Variants in TCF7L2 observed in about 807,000 individuals in gnomAD.
TCF7L2 encodes transcription factor 7-like 2.
Under a neutral mutation model 77.9 loss-of-function variants are expected in TCF7L2, and 23 were observed. The ratio of observed to expected loss-of-function variants is 0.30; its 90% CI spans 0.21 to 0.42. The LOEUF (loss-of-function observed/expected upper bound fraction) is 0.42, where lower values mean the gene tolerates loss of function less well. TCF7L2 is among the 10% of genes least tolerant of loss of function. The probability of loss-of-function intolerance (pLI) is 1.00; values close to 1 mark genes in which losing one functional copy is unlikely to be tolerated. For missense variants in TCF7L2, 654 were observed against 793.1 expected, an observed-to-expected ratio of 0.82 and a Z score of 2.11; for synonymous variants, 413 against 340.2, an observed-to-expected ratio of 1.21 and a Z score of -2.36.
chr10:113,087,786 G>A (rs2059980708), intron 5 of TCF7L2, among the ~76,000 whole-genome samples: 1 of 152,194 alleles, frequency 6.6e-6, no homozygotes, highest in Non-Finnish European at 1.5e-5. Flanking sequence ...TTATGGGGCA[G>A]CAATGGCCCC....
At chr10:113,107,921 A>C (rs1419435192) in intron 5 of TCF7L2, among the ~76,000 whole-genome samples, 2 of 152,184 alleles carry the variant, frequency 1.3e-5, no homozygotes, top group Non-Finnish European at 2.9e-5. Context: ...TACACAAAGT[A>C]AACATTAGGT....
intron 4 of TCF7L2, among the ~76,000 whole-genome samples, chr10:113,037,094 CTTTA>C (rs1159020152): frequency 6.6e-6 from 1 of 152,072 alleles, no homozygotes; most frequent in Non-Finnish European, 1.5e-5. Flanking sequence ...TTTTTCTTCT[CTTTA>C]TTTATTTATT....
At chr10:112,961,729 G>T (rs1336628264) in intron 3 of TCF7L2, among the ~76,000 whole-genome samples, 1 of 150,798 alleles carries the variant, frequency 6.6e-6, no homozygotes, top group Non-Finnish European at 1.5e-5. Context: ...TGGGAAGAAA[G>T]ATCTGACTTA....
intron 7 of TCF7L2, among the ~76,000 whole-genome samples, chr10:113,145,568 C>T (rs1564959376): frequency 6.6e-6 from 1 of 152,152 alleles, no homozygotes; most frequent in East Asian, 1.9e-4. Flanking sequence ...AATGTTTTCT[C>T]ACCGAGATCT....
intron 11 of TCF7L2, among the ~76,000 whole-genome samples, chr10:113,153,527 G>A (rs1449215881): frequency 1.3e-5 from 2 of 152,168 alleles, no homozygotes; most frequent in African/African-American, 2.4e-5. Flanking sequence ...TATAGGGGTC[G>A]AGGTCGTTAA....
intron 8 of TCF7L2, among the ~76,000 whole-genome samples, chr10:113,150,036 GTTGAGA>G (rs1348328224): frequency 6.6e-6 from 1 of 152,230 alleles, no homozygotes; most frequent in Non-Finnish European, 1.5e-5. Context: ...CCAAGAGTAG[GTTGAGA>G]TTAGCTCTTT....
At chr10:113,013,114 GTTTT>G (rs35964949) in intron 4 of TCF7L2, among the ~76,000 whole-genome samples, 4 of 109,896 alleles carry the variant, frequency 3.6e-5, no homozygotes, top group African/African-American at 7.8e-5. Flanking sequence ...TAAGCAAGTG[GTTTT>G]TTTTTTTTTT....
chr10:112,981,675 G>A (rs1285923938), intron 4 of TCF7L2, among the ~76,000 whole-genome samples: 2 of 152,218 alleles, frequency 1.3e-5, no homozygotes, highest in African/African-American at 4.8e-5. Context: ...CTTGTAAAAA[G>A]TACACAGAGA....
intron 8 of TCF7L2, among the ~76,000 whole-genome samples, chr10:113,148,754 G>C (rs2070061612): frequency 6.6e-6 from 1 of 152,182 alleles, no homozygotes; most frequent in African/African-American, 2.4e-5. Context: ...AATTTCTTAA[G>C]CGAAGGTATG....
chr10:112,985,345 G>T (rs2041280024), intron 4 of TCF7L2, among the ~76,000 whole-genome samples: 1 of 152,084 alleles, frequency 6.6e-6, no homozygotes, highest in Non-Finnish European at 1.5e-5. Context: ...TCAAAATAGG[G>T]CTTTCAAATG....
At chr10:113,098,049 CAAAA>C (rs34632183) in intron 5 of TCF7L2, among the ~76,000 whole-genome samples, 1 of 59,368 alleles carries the variant, frequency 1.7e-5, no homozygotes, top group East Asian at 5.7e-4. Flanking sequence ...GACTCTGTCT[CAAAA>C]AAAAAAAAAA....
intron 4 of TCF7L2, among the ~76,000 whole-genome samples, chr10:113,003,413 G>A (rs1467912729): frequency 1.3e-5 from 2 of 152,194 alleles, no homozygotes; most frequent in Non-Finnish European, 2.9e-5. Context: ...TGTCCCCAGA[G>A]CCTCAGCATG....
chr10:112,970,624 T>C (rs919226662), intron 4 of TCF7L2, among the ~76,000 whole-genome samples: 6 of 151,984 alleles, frequency 3.9e-5, no homozygotes, highest in Admixed American at 6.6e-5. Flanking sequence ...TGGCCAGAAA[T>C]TAGTACCAGC....
chr10:112,992,768 C>CTTT (rs1439965136), intron 4 of TCF7L2, among the ~76,000 whole-genome samples: 1 of 145,214 alleles, frequency 6.9e-6, no homozygotes, highest in Non-Finnish European at 1.5e-5. Flanking sequence ...ATTTTTCTTT[C>CTTT]TTTTTTTTTT....
At chr10:113,092,470 C>T (rs1354252228) in intron 5 of TCF7L2, among the ~76,000 whole-genome samples, 1 of 152,226 alleles carries the variant, frequency 6.6e-6, no homozygotes, top group African/African-American at 2.4e-5. Context: ...CTTGAGGAAT[C>T]ACAACCTGAT....
intron 5 of TCF7L2, among the ~76,000 whole-genome samples, chr10:113,106,570 A>G (rs2062348521): frequency 2.0e-5 from 3 of 152,308 alleles, no homozygotes; most frequent in Non-Finnish European, 4.4e-5. Context: ...GGGTGTTGAT[A>G]TGATGATCAG....
rs2055827300 is a variant in TCF7L2 at position 113,058,624 on chromosome 10, A to AG, written c.552+18504dup. Among the ~76,000 whole-genome samples the AG allele has an allele frequency of 2.0e-5, 3 of 151,882 alleles. No homozygotes were observed. The South Asian group carries it at 6.2e-4, about 32-fold the overall frequency. ...TCCAATCTGAGCAATAAGGGGTCTGAGGGGGGTTGGATCCATGTGGCTTTC... is the reference window on the plus strand; with the variant it reads ...TCCAATCTGAGCAATAAGGGGTCTGAGGGGGGGTTGGATCCATGTGGCTTTC... On this transcript the variant is annotated intron_variant, in intron 5 of 13. Coordinates refer to ENST00000627217, the MANE Select transcript of TCF7L2 (RefSeq NM_001146274.2).
chr10:113,106,012 A>G (rs2062259919), intron 5 of TCF7L2, among the ~76,000 whole-genome samples: 1 of 152,224 alleles, frequency 6.6e-6, no homozygotes, highest in Admixed American at 6.5e-5. Flanking sequence ...AGAAGATAGC[A>G]GTAAGTGGAA....
Position 113,127,103 on chromosome 10 carries a change from T to TAAAAC in TCF7L2, c.553-14061_553-14057dup, listed in dbSNP as rs562847301. ...AGATTTATTTTTTTTAGCCTCTCTT[T>TAAAAC]AAAACAAAACAAAACAAAACAAAAA... On this transcript the variant is annotated intron_variant, in intron 5 of 13. Coordinates refer to ENST00000627217, the MANE Select transcript of TCF7L2 (RefSeq NM_001146274.2). 2.6e-3 allele frequency: 555 copies of TAAAAC among 211,784 alleles called. 1 individual carries two copies. The highest frequency in any genetic ancestry group is 0.012 in the African/African-American group (511 of 42,476). The allele number at this position is 211,784 out of a possible 1,614,324, so 13.1% of individuals were successfully genotyped here.
Sources: gnomAD v4.1 joint callset for allele counts (sites outside exome capture counted in the v4.1 genomes callset) on GRCh38, gnomAD v4.1.1 for gene constraint, MANE v1.5 for transcripts, NCBI Gene and HGNC (gene_info 2026-07-23, HGNC 2026-07-21) for gene names.